The following LOC128092252 variants were observed in gnomAD, a reference collection of about 807,000 sequenced individuals.
chr15:50,667,532 C>T, the LOC128092252 span, among the ~76,000 whole-genome samples: 1 of 152,112 alleles, frequency 6.6e-6, no homozygotes, highest in African/African-American at 2.4e-5. Flanking sequence ...CATGTAAAAC[C>T]CCACCTCTAC....
chr15:50,662,329 A>C, the LOC128092252 span, among the ~76,000 whole-genome samples: 2 of 151,288 alleles, frequency 1.3e-5, no homozygotes, highest in Admixed American at 6.6e-5. Context: ...TCTGTTCCAA[A>C]AAAAAAAAAA....
chr15:50,679,119 G>A, the LOC128092252 span, among the ~76,000 whole-genome samples: 4 of 149,708 alleles, frequency 2.7e-5, no homozygotes, highest in South Asian at 2.1e-4. Context: ...TGATCCACCC[G>A]CCTCAGCCTT....
At chr15:50,685,298 T>C in the LOC128092252 span, among the ~76,000 whole-genome samples, 1 of 152,142 alleles carries the variant, frequency 6.6e-6, no homozygotes, top group South Asian at 2.1e-4. Flanking sequence ...ACCCCGTCTC[T>C]ACTAAAAATG....
At chr15:50,653,915 C>A in the LOC128092252 span, among the ~76,000 whole-genome samples, 1 of 151,902 alleles carries the variant, frequency 6.6e-6, no homozygotes, top group African/African-American at 2.4e-5. Context: ...TTTAGTTCAG[C>A]GTGAAAAGAC....
the LOC128092252 span, among the ~76,000 whole-genome samples, chr15:50,681,264 T>TACACACATAC: frequency 6.8e-6 from 1 of 146,906 alleles, no homozygotes; most frequent in African/African-American, 2.6e-5. Context: ...AATAAATAAA[T>TACACACATAC]ACACACACAC....
the LOC128092252 span, among the ~76,000 whole-genome samples, chr15:50,686,159 C>G: frequency 6.6e-6 from 1 of 152,206 alleles, no homozygotes; most frequent in Non-Finnish European, 1.5e-5. Context: ...CCAGGAGGAC[C>G]GTGCTCCCAG....
At chr15:50,680,530 C>T in the LOC128092252 span, among the ~76,000 whole-genome samples, 1 of 151,116 alleles carries the variant, frequency 6.6e-6, no homozygotes, top group Non-Finnish European at 1.5e-5. Flanking sequence ...GATCGCACCA[C>T]TGAACTCTAG....
At chr15:50,666,591 G>A in the LOC128092252 span, among the ~76,000 whole-genome samples, 23 of 151,960 alleles carry the variant, frequency 1.5e-4, no homozygotes, top group Admixed American at 9.8e-4. Context: ...ATCACCTGAC[G>A]TTGGGAGTTC....
chr15:50,681,262 A>AC, the LOC128092252 span, among the ~76,000 whole-genome samples: 1 of 53,610 alleles, frequency 1.9e-5, no homozygotes, highest in African/African-American at 1.4e-4. Flanking sequence ...AAAATAAATA[A>AC]ATACACACAC....
chr15:50,656,021 A>C, the LOC128092252 span, among the ~76,000 whole-genome samples: 1 of 141,820 alleles, frequency 7.1e-6, no homozygotes, highest in East Asian at 2.1e-4. Flanking sequence ...AAAAAAAAAA[A>C]CCCCTGCTGC....
the LOC128092252 span, among the ~76,000 whole-genome samples, chr15:50,666,002 T>C: frequency 6.7e-6 from 1 of 150,268 alleles, no homozygotes; most frequent in Non-Finnish European, 1.5e-5. Context: ...CAAAAAATAA[T>C]AATTTAAAAA....
chr15:50,686,313 C>A, the LOC128092252 span, among the ~76,000 whole-genome samples: 1 of 152,200 alleles, frequency 6.6e-6, no homozygotes, highest in Non-Finnish European at 1.5e-5. Context: ...GGGATTCCCG[C>A]GAAGAGGTGT....
chr15:50,680,434 G>A, the LOC128092252 span, among the ~76,000 whole-genome samples: 1 of 150,790 alleles, frequency 6.6e-6, no homozygotes, highest in Non-Finnish European at 1.5e-5. Flanking sequence ...GCCCAATGTG[G>A]TGGCGCAACC....
chr15:50,649,273 C>CA, the LOC128092252 span, among the ~76,000 whole-genome samples: 1 of 151,800 alleles, frequency 6.6e-6, no homozygotes. Flanking sequence ...CCTGACTTGA[C>CA]AAAAAATTTT....
At chr15:50,653,080 G>A in the LOC128092252 span, among the ~76,000 whole-genome samples, 2 of 152,156 alleles carry the variant, frequency 1.3e-5, 1 homozygote, top group South Asian at 4.1e-4. Context: ...GAGCCCGGGA[G>A]GTCAAGTCTG....
chr15:50,665,640 A>G, the LOC128092252 span, among the ~76,000 whole-genome samples: 3 of 152,184 alleles, frequency 2.0e-5, no homozygotes, highest in Non-Finnish European at 4.4e-5. Flanking sequence ...GAAAACCTGT[A>G]CAATGTAGTC....
chr15:50,665,495 C>T, the LOC128092252 span, among the ~76,000 whole-genome samples: 2 of 151,800 alleles, frequency 1.3e-5, no homozygotes, highest in Admixed American at 6.6e-5. Context: ...GATCACAATG[C>T]AATTAACATA....
the LOC128092252 span, among the ~76,000 whole-genome samples, chr15:50,658,780 A>G: frequency 6.6e-5 from 10 of 152,348 alleles, no homozygotes; most frequent in South Asian, 1.9e-3. Context: ...AAATTGTACA[A>G]GGTCGTTGAC....
chr15:50,667,853 G>A, the LOC128092252 span, among the ~76,000 whole-genome samples: 1 of 152,196 alleles, frequency 6.6e-6, no homozygotes, highest in African/African-American at 2.4e-5. Context: ...AAATCATACA[G>A]GAAGCATTGC....
Sources: gnomAD v4.1 joint callset for allele counts (sites outside exome capture counted in the v4.1 genomes callset) on GRCh38, gnomAD v4.1.1 for gene constraint, MANE v1.5 for transcripts.